Variants in DENND1B observed in about 807,000 individuals in gnomAD.
DENND1B encodes DENN domain containing 1B, also known as DENN domain-containing protein 1B.
DENND1B carries 59 observed loss-of-function variants against 90.1 expected under a neutral mutation model. The observed-to-expected ratio is 0.65, with a 90% CI of 0.53 to 0.81. The LOEUF is 0.81. Ranked by LOEUF, DENND1B falls within the 40% of genes least tolerant of loss-of-function variation. The pLI, the probability that DENND1B is intolerant of heterozygous loss-of-function variation, is 0.00. For missense variants in DENND1B, 862 were observed against 912.6 expected, an observed-to-expected ratio of 0.94 and a Z score of 0.71; for synonymous variants, 337 against 324.6, an observed-to-expected ratio of 1.04 and a Z score of -0.41.
chr1:197,607,675 TAA>T (rs962904080), intron 12 of DENND1B, among the ~76,000 whole-genome samples: 23 of 150,732 alleles, frequency 1.5e-4, no homozygotes, highest in Admixed American at 8.0e-4. Flanking sequence ...GAAAGCTGAA[TAA>T]GAGAGAATAA....
Position 197,544,944 on chromosome 1 carries a change from A to AG in DENND1B, c.1350+977dup, listed in dbSNP as rs1388993834. 3.2e-4 allele frequency among the ~76,000 whole-genome samples: 18 copies of AG among 55,538 alleles called. 2 individuals are homozygous for AG. The highest frequency in any genetic ancestry group is 8.4e-4 in the Admixed American group (4 of 4,760). The allele number at this position is 55,538 out of a possible 152,430, so 36.4% of individuals were successfully genotyped here. On this transcript the variant is annotated intron_variant, in intron 18 of 22. Coordinates refer to ENST00000620048, the MANE Select transcript of DENND1B (RefSeq NM_001195215.2). The stretch of plus-strand genomic sequence containing the variant: ...GAAGAAAAGAGAAGAAGAAGAAGGG[A>AG]GAAGAGAGAAGGGAGAAGGAGAAGG...
chr1:197,734,356 A>C, intron 2 of DENND1B: 1 of 971,844 alleles, frequency 1.0e-6, no homozygotes, highest in Non-Finnish European at 1.2e-6. Flanking sequence ...AAGTATATTA[A>C]GTTATGGTTG....
chr1:197,750,220 G>A (rs1653288866), intron 2 of DENND1B, among the ~76,000 whole-genome samples: 2 of 152,108 alleles, frequency 1.3e-5, no homozygotes, highest in South Asian at 4.1e-4. Flanking sequence ...TAAAATATAA[G>A]TGAACTCTTG....
chr1:197,525,204 C>T (rs1305173746), intron 20 of DENND1B, among the ~76,000 whole-genome samples: 2 of 151,942 alleles, frequency 1.3e-5, no homozygotes, highest in African/African-American at 2.4e-5. Flanking sequence ...AGTTCATATG[C>T]CAAGTAATTA....
chr1:197,670,845 A>G (rs1019024671), intron 5 of DENND1B, among the ~76,000 whole-genome samples: 1 of 152,114 alleles, frequency 6.6e-6, no homozygotes, highest in African/African-American at 2.4e-5. Flanking sequence ...CCAAGTTCAA[A>G]AAAATAACCT....
chr1:197,760,761 T>C (rs1325248431), intron 2 of DENND1B, among the ~76,000 whole-genome samples: 1 of 152,154 alleles, frequency 6.6e-6, no homozygotes, highest in Non-Finnish European at 1.5e-5. Flanking sequence ...ATCAGCTCTA[T>C]CAAAGGCAAA....
At chr1:197,612,035 G>C (rs1677229825) in intron 11 of DENND1B, 59 bp from the exon 12 acceptor site, 5 of 1,313,618 alleles carry the variant, frequency 3.8e-6, no homozygotes, top group Non-Finnish European at 5.4e-6. Context: ...TGAAACAACA[G>C]TATAAGTAAT....
chr1:197,658,343 T>C lies in DENND1B; in HGVS notation c.323A>G (p.Tyr108Cys), dbSNP rs758040937. Reference sequence around the variant, plus strand: ...ATCTGCAAGAGTATTTAGAAGCTTGTAATACACTTCAAACCAGGGAAGGTA... The same window carrying C: ...ATCTGCAAGAGTATTTAGAAGCTTGCAATACACTTCAAACCAGGGAAGGTA... ...LSYLPWFEVY[Y>C]KLLNTLADYL... is the part of the protein sequence containing the mutation. The change falls in exon 6 of 23, where the codon TAC becomes TGC. Residue 108 changes from tyrosine (Y) to cysteine (C), a missense_variant. Coordinates refer to ENST00000620048, the MANE Select transcript of DENND1B (RefSeq NM_001195215.2). 1 of 1,608,918 alleles carries C rather than the reference T, an allele frequency of 6.2e-7. No individual in the cohort carries two copies. Among genetic ancestry groups the C allele is most frequent in the African/African-American group, 1.3e-5 (1 of 74,838 alleles).
intron 10 of DENND1B, 132 bp from the exon 11 acceptor site, chr1:197,617,891 T>C: frequency 1.5e-6 from 1 of 661,066 alleles, no homozygotes; most frequent in Non-Finnish European, 2.7e-6. Flanking sequence ...ATTGTCTTTA[T>C]CACTTCTACA....
chr1:197,734,250 T>C (rs1473786401), intron 2 of DENND1B: 2 of 908,184 alleles, frequency 2.2e-6, no homozygotes, highest in Admixed American at 6.2e-5. Context: ...ACCATTCTTA[T>C]AAAAACTATC....
chr1:197,590,161 C>T lies in DENND1B; in HGVS notation c.1047+5047G>A, dbSNP rs75854032. 5.9e-3 allele frequency among the ~76,000 whole-genome samples: 899 copies of T among 152,184 alleles called. 13 individuals carry two copies. The highest frequency in any genetic ancestry group is 0.02 in the African/African-American group (840 of 41,532). On this transcript the variant is annotated intron_variant, in intron 14 of 22. Transcript: ENST00000620048. Reference sequence around the variant, plus strand: ...GCTAAAGGGATTTTCCTTACTAAATCTACTGATTTTAATATTTTATTTTTA... The same window carrying T: ...GCTAAAGGGATTTTCCTTACTAAATTTACTGATTTTAATATTTTATTTTTA...
intron 3 of DENND1B, among the ~76,000 whole-genome samples, chr1:197,700,108 T>C (rs540902509): frequency 6.6e-6 from 1 of 152,250 alleles, no homozygotes; most frequent in Admixed American, 6.5e-5. Context: ...AGAAAAAAAC[T>C]ATTTTAAATT....
chr1:197,536,821 C>G (rs1669941168), intron 20 of DENND1B, among the ~76,000 whole-genome samples: 2 of 152,038 alleles, frequency 1.3e-5, no homozygotes, highest in African/African-American at 4.8e-5. Context: ...GCGGGCAGAT[C>G]ATGACATCAG....
chr1:197,579,567 G>A (rs1021703005), intron 15 of DENND1B, among the ~76,000 whole-genome samples: 6 of 152,100 alleles, frequency 3.9e-5, no homozygotes, highest in Admixed American at 3.9e-4. Context: ...TTTATGAAGT[G>A]TATTTTCATT....
At chr1:197,690,599 C>G in intron 3 of DENND1B, 1 of 244,692 alleles carries the variant, frequency 4.1e-6, no homozygotes, top group Admixed American at 4.3e-5. Flanking sequence ...TTGGGAAGGT[C>G]AGCAAGTCTG....
At chr1:197,590,610 T>C (rs1675113397) in intron 14 of DENND1B, among the ~76,000 whole-genome samples, 1 of 152,120 alleles carries the variant, frequency 6.6e-6, no homozygotes, top group Non-Finnish European at 1.5e-5. Context: ...GTAACAACAA[T>C]TTAGGGTTGC....
In DENND1B at chr1:197,645,608, T is replaced by C. The variant is rs895356860; in HGVS notation, c.561+82A>G. On this transcript the variant is annotated intron_variant, in intron 9 of 22. Coordinates refer to ENST00000620048, the MANE Select transcript of DENND1B (RefSeq NM_001195215.2). ...AATTACAATGTATCCTATTTCTCTATATAAAAACGCATAAACAGTGAGACC... is the reference window on the plus strand; with the variant it reads ...AATTACAATGTATCCTATTTCTCTACATAAAAACGCATAAACAGTGAGACC... The C allele has an allele frequency of 4.1e-5, 29 of 707,264 alleles. No individual in the cohort carries two copies. The Admixed American group carries it at 4.9e-4, about 12-fold the overall frequency. 43.8% of individuals were successfully genotyped at this position (707,264 alleles called of 1,614,324 possible).
intron 14 of DENND1B, among the ~76,000 whole-genome samples, chr1:197,588,008 C>G (rs1230093677): frequency 2.6e-5 from 4 of 152,046 alleles, no homozygotes; most frequent in Non-Finnish European, 5.9e-5. Context: ...GGAGCTCAAG[C>G]AGTAATGTGA....
At chr1:197,636,095 T>C (rs1254467025) in intron 10 of DENND1B, among the ~76,000 whole-genome samples, 2 of 152,144 alleles carry the variant, frequency 1.3e-5, no homozygotes, top group African/African-American at 2.4e-5. Context: ...AATGGATAGT[T>C]TTTTACCAGA....
Sources: allele counts gnomAD v4.1 joint callset (sites outside exome capture counted in the v4.1 genomes callset), GRCh38; gene constraint gnomAD v4.1.1; transcripts MANE v1.5; gene names NCBI Gene and HGNC (gene_info 2026-07-23, HGNC 2026-07-21).